Variants in CHSY3 observed in about 807,000 individuals in gnomAD.
CHSY3 encodes chondroitin sulfate synthase 3.
Under a neutral mutation model 67.2 loss-of-function variants are expected in CHSY3, and 35 were observed. The ratio of observed to expected loss-of-function variants is 0.52; its 90% CI spans 0.40 to 0.69. CHSY3 has a LOEUF of 0.69. Among genes scored for constraint, CHSY3 ranks in the 30% least tolerant of loss-of-function variants. The probability of loss-of-function intolerance (pLI) is 0.00; values close to 1 mark genes in which losing one functional copy is unlikely to be tolerated. For missense variants in CHSY3, 1,069 were observed against 1,138.5 expected (o/e 0.94, Z 0.88); for synonymous variants, 474 against 434.7 (o/e 1.09, Z -1.12).
intron 1 of CHSY3, 54 bp from the exon 2 acceptor site, chr5:129,908,023 G>A (rs1225782108): frequency 3.8e-6 from 6 of 1,575,588 alleles, no homozygotes; most frequent in Non-Finnish European, 5.2e-6. Flanking sequence ...CCTTGTACAT[G>A]ATAAGTGATT....
chr5:130,025,933 T>C (rs928584534), intron 2 of CHSY3, among the ~76,000 whole-genome samples: 1 of 152,134 alleles, frequency 6.6e-6, no homozygotes, highest in Non-Finnish European at 1.5e-5. Context: ...CCATTGAGAA[T>C]GGATTGAAAG....
chr5:129,993,371 T>G (rs1265003885), intron 2 of CHSY3, among the ~76,000 whole-genome samples: 9 of 152,162 alleles, frequency 5.9e-5, no homozygotes. Context: ...TCTAATAACT[T>G]GCTTTATGAG....
At chr5:129,929,181 T>C (rs1761216405) in intron 2 of CHSY3, among the ~76,000 whole-genome samples, 1 of 152,216 alleles carries the variant, frequency 6.6e-6, no homozygotes, top group Non-Finnish European at 1.5e-5. Flanking sequence ...TGAACTACTG[T>C]CATCCATTTT....
chr5:129,922,192 T>G (rs1052438794), intron 2 of CHSY3, among the ~76,000 whole-genome samples: 1 of 152,228 alleles, frequency 6.6e-6, no homozygotes, highest in African/African-American at 2.4e-5. Flanking sequence ...TGAACAGTAC[T>G]CCATTGCATA....
intron 2 of CHSY3, among the ~76,000 whole-genome samples, chr5:129,960,501 G>T (rs149422177): frequency 1.3e-5 from 2 of 151,902 alleles, no homozygotes; most frequent in African/African-American, 2.4e-5. Context: ...ACTGTAGTAT[G>T]ATGAGCCAGT....
In CHSY3 at chr5:130,184,399, C is replaced by A. The variant is rs758081424; in HGVS notation, c.1257C>A (p.Tyr419Ter). Residue 419 changes from tyrosine to a stop codon, truncating the protein, a stop_gained, in exon 3 of 3, where the codon TAC becomes TAA. Coordinates refer to ENST00000305031, the MANE Select transcript of CHSY3 (RefSeq NM_175856.5). LOFTEE classifies it high-confidence loss of function. Reference protein sequence around the residue: ...MLSRKISELRYRTIQLHRESA... With the variant: ...MLSRKISELR ...GCCGCAAAATTTCTGAACTTCGCTA[C>A]CGCACCATCCAGCTCCACAGGGAAA... is the stretch of plus-strand genomic sequence containing the variant. The A allele has an allele frequency of 6.2e-7, 1 of 1,613,658 alleles. No homozygotes were observed. The highest frequency in any genetic ancestry group is 1.1e-5 in the South Asian group (1 of 91,076).
At chr5:129,970,396 G>C (rs1762603907) in intron 2 of CHSY3, among the ~76,000 whole-genome samples, 2 of 127,810 alleles carry the variant, frequency 1.6e-5, no homozygotes, top group Non-Finnish European at 3.3e-5. Flanking sequence ...CAGAGGAACA[G>C]ATTAGATAGA....
At chr5:129,957,482 A>T (rs1762210945) in intron 2 of CHSY3, among the ~76,000 whole-genome samples, 1 of 152,118 alleles carries the variant, frequency 6.6e-6, no homozygotes, top group South Asian at 2.1e-4. Flanking sequence ...TGATCTTCAT[A>T]TATTTGACAT....
intron 2 of CHSY3, among the ~76,000 whole-genome samples, chr5:130,084,732 A>C (rs909871365): frequency 6.6e-6 from 1 of 151,814 alleles, no homozygotes; most frequent in Admixed American, 6.6e-5. Context: ...AATATATAAA[A>C]CCAAGCTGTA....
At chr5:130,141,334 G>A in intron 2 of CHSY3, 1 of 382,556 alleles carries the variant, frequency 2.6e-6, no homozygotes, top group South Asian at 2.5e-5. Context: ...AGCGTGGTGT[G>A]CTTATTTAGA....
At chr5:130,103,034 A>T (rs2149699632) in intron 2 of CHSY3, among the ~76,000 whole-genome samples, 1 of 152,230 alleles carries the variant, frequency 6.6e-6, no homozygotes, top group Non-Finnish European at 1.5e-5. Context: ...AAAAGAAAAA[A>T]AAATAGGACT....
intron 2 of CHSY3, among the ~76,000 whole-genome samples, chr5:130,168,126 C>T (rs2149731374): frequency 6.6e-6 from 1 of 152,250 alleles, no homozygotes; most frequent in South Asian, 2.1e-4. Flanking sequence ...TTTAAAATTT[C>T]CTACAGAAGC....
chr5:129,920,013 AT>A (rs1201165999), intron 2 of CHSY3, among the ~76,000 whole-genome samples: 1 of 152,156 alleles, frequency 6.6e-6, no homozygotes, highest in Non-Finnish European at 1.5e-5. Flanking sequence ...ATTATTAACC[AT>A]GTTTACCATG....
intron 2 of CHSY3, among the ~76,000 whole-genome samples, chr5:130,101,732 A>G (rs1211120764): frequency 6.6e-6 from 1 of 152,130 alleles, no homozygotes; most frequent in East Asian, 1.9e-4. Context: ...ACATTTAGGT[A>G]GATATGTATG....
At chr5:129,985,855 T>A (rs537838958) in intron 2 of CHSY3, among the ~76,000 whole-genome samples, 22 of 152,280 alleles carry the variant, frequency 1.4e-4, no homozygotes, top group Admixed American at 5.9e-4. Context: ...ATGATACTGA[T>A]TTTTGTACAT....
At chr5:130,025,965 G>T (rs759302535) in intron 2 of CHSY3, among the ~76,000 whole-genome samples, 1 of 152,116 alleles carries the variant, frequency 6.6e-6, no homozygotes, top group Non-Finnish European at 1.5e-5. Context: ...AACAAGAAGA[G>T]GCCAGTTTTA....
intron 2 of CHSY3, among the ~76,000 whole-genome samples, chr5:129,987,106 G>A (rs1763227271): frequency 6.6e-6 from 1 of 152,044 alleles, no homozygotes; most frequent in Admixed American, 6.6e-5. Flanking sequence ...AAGTTCAGTG[G>A]CCATATTAGA....
At chr5:130,182,393 T>C (rs1770274902) in intron 2 of CHSY3, among the ~76,000 whole-genome samples, 1 of 152,082 alleles carries the variant, frequency 6.6e-6, no homozygotes, top group Non-Finnish European at 1.5e-5. Context: ...TTCTGGGAAT[T>C]GGTTCTTTTT....
At chr5:130,154,451 C>T (rs1422681546) in intron 2 of CHSY3, among the ~76,000 whole-genome samples, 1 of 152,202 alleles carries the variant, frequency 6.6e-6, no homozygotes, top group African/African-American at 2.4e-5. Flanking sequence ...TTATCTTAAA[C>T]TATCTCAGTG....
Sources: gnomAD v4.1 joint callset for allele counts (sites outside exome capture counted in the v4.1 genomes callset) on GRCh38, gnomAD v4.1.1 for gene constraint, MANE v1.5 for transcripts, NCBI Gene and HGNC (gene_info 2026-07-23, HGNC 2026-07-21) for gene names.